Variants in MBTD1 observed in about 807,000 individuals in gnomAD.
MBTD1 encodes the protein mbt domain containing 1, also known as MBT domain-containing protein 1.
A neutral mutation model predicts 87.8 loss-of-function variants in MBTD1; 24 were observed. That is an observed-to-expected ratio of 0.27 (90% CI 0.20 to 0.38). The LOEUF is 0.38. MBTD1 is among the 10% of genes least tolerant of loss of function. The pLI is 1.00. For synonymous variants in MBTD1, 237 were observed against 248.6 expected, an observed-to-expected ratio of 0.95 and a Z score of 0.44; for missense variants, 436 against 760.2, an observed-to-expected ratio of 0.57 and a Z score of 5.02.
At chr17:51,260,825 G>A (rs757773802), upstream of MBTD1, 102 of 1,596,064 alleles carry the variant, frequency 6.4e-5, no homozygotes, top group Non-Finnish European at 8.5e-5. Flanking sequence ...CCTGAGGCTG[G>A]AGGAGGACAA....
chr17:51,183,636 T>C (rs2050413694), intron 16 of MBTD1: 1 of 152,208 alleles, frequency 6.6e-6, no homozygotes, highest in Admixed American at 6.5e-5. Context: ...TGTTCAAAGG[T>C]ACAGCAAACA....
At chr17:51,200,682 G>A (rs2051426430) in intron 12 of MBTD1, among the ~76,000 whole-genome samples, 1 of 151,422 alleles carries the variant, frequency 6.6e-6, no homozygotes, top group Non-Finnish European at 1.5e-5. Flanking sequence ...CAGGCAACAT[G>A]GTGAAATCCC....
intron 2 of MBTD1, among the ~76,000 whole-genome samples, chr17:51,236,826 T>C (rs1398594353): frequency 6.6e-6 from 1 of 152,162 alleles, no homozygotes; most frequent in African/African-American, 2.4e-5. Flanking sequence ...GACATTCATA[T>C]GCCAAAATAC....
chr17:51,203,081 G>A, intron 9 of MBTD1, 59 bp downstream of exon 9: 1 of 1,385,342 alleles, frequency 7.2e-7, no homozygotes, highest in Non-Finnish European at 1.0e-6. Context: ...CCTTAAAAAT[G>A]TTCTCTGTTA....
intron 2 of MBTD1, among the ~76,000 whole-genome samples, chr17:51,241,354 A>G (rs908670682): frequency 1.3e-5 from 2 of 152,074 alleles, no homozygotes; most frequent in African/African-American, 2.4e-5. Flanking sequence ...TAAGCAATCT[A>G]TGGGGAGACA....
At chr17:51,260,444 A>C, upstream of MBTD1, 1 of 885,848 alleles carries the variant, frequency 1.1e-6, no homozygotes, top group Non-Finnish European at 1.7e-6. Flanking sequence ...ACGTAGAGGG[A>C]GGGAGTGCTG....
intron 12 of MBTD1, among the ~76,000 whole-genome samples, chr17:51,199,799 C>A (rs1598313322): frequency 6.6e-6 from 1 of 151,746 alleles, no homozygotes. Flanking sequence ...GACATGGCAG[C>A]CATCATAATT....
intron 6 of MBTD1, among the ~76,000 whole-genome samples, chr17:51,216,548 C>T (rs1315710278): frequency 6.6e-6 from 1 of 152,116 alleles, no homozygotes; most frequent in Admixed American, 6.5e-5. Context: ...TATTTTAGCT[C>T]ACAATACTAT....
chr17:51,238,298 G>T (rs1382406120), intron 2 of MBTD1, among the ~76,000 whole-genome samples: 1 of 152,182 alleles, frequency 6.6e-6, no homozygotes, highest in Non-Finnish European at 1.5e-5. Flanking sequence ...GGTAGAAAAT[G>T]TATTTTCAGA....
intron 6 of MBTD1, among the ~76,000 whole-genome samples, chr17:51,210,664 G>A (rs2052135158): frequency 6.6e-6 from 1 of 151,990 alleles, no homozygotes; most frequent in Non-Finnish European, 1.5e-5. Context: ...GCTGAGGCAG[G>A]AGAATCACTT....
At chr17:51,205,012 T>G (rs1455915101) in intron 7 of MBTD1, among the ~76,000 whole-genome samples, 1 of 152,334 alleles carries the variant, frequency 6.6e-6, no homozygotes, top group East Asian at 1.9e-4. Flanking sequence ...ATAGGAAGGC[T>G]TACTCTTGGA....
chr17:51,239,132 C>T (rs934729891), intron 2 of MBTD1, among the ~76,000 whole-genome samples: 5 of 151,008 alleles, frequency 3.3e-5, no homozygotes, highest in African/African-American at 9.7e-5. Flanking sequence ...ACTGGATAAG[C>T]GTGAAAACAA....
At chr17:51,227,763 C>G (rs1216209993) in intron 2 of MBTD1, among the ~76,000 whole-genome samples, 1 of 151,696 alleles carries the variant, frequency 6.6e-6, no homozygotes, top group African/African-American at 2.4e-5. Context: ...CAGCCTAGTC[C>G]ACGTGGGGAA....
intron 6 of MBTD1, among the ~76,000 whole-genome samples, chr17:51,211,504 T>TAAAAAA (rs35259426): frequency 7.4e-6 from 1 of 135,228 alleles, no homozygotes. Context: ...TGAGACTGTT[T>TAAAAAA]AAAAAAAAAA....
In MBTD1 at chr17:51,178,053, A is replaced by G. The variant is rs762875588; in HGVS notation, c.*2523T>C. ...CCTCATACACGGCAAGGAAAAGGTT[A>G]AAGAGTTTAAACTACCAAAAGTCCC... On this transcript the variant is annotated 3_prime_UTR_variant, in exon 17 of 17. Transcript: ENST00000586178. 6.6e-6 allele frequency: 1 copy of G among 152,222 alleles called. No individual in the cohort carries two copies. The highest frequency in any genetic ancestry group is 2.4e-5 in the African/African-American group (1 of 41,460). 9.4% of individuals were successfully genotyped at this position (152,222 alleles called of 1,614,324 possible).
intron 7 of MBTD1, among the ~76,000 whole-genome samples, chr17:51,204,839 T>G (rs2051721697): frequency 6.6e-6 from 1 of 152,220 alleles, no homozygotes; most frequent in South Asian, 2.1e-4. Context: ...ATCCAGCTGC[T>G]TAGGTGGCCA....
chr17:51,208,379 A>G (rs985153888), intron 6 of MBTD1, among the ~76,000 whole-genome samples: 3 of 152,222 alleles, frequency 2.0e-5, no homozygotes, highest in African/African-American at 7.2e-5. Flanking sequence ...AAAAAATAAT[A>G]TATTCATTGT....
chr17:51,237,667 C>CTACAGTCAGTGTGGCAAATGG, intron 2 of MBTD1, among the ~76,000 whole-genome samples: 1 of 152,258 alleles, frequency 6.6e-6, no homozygotes, highest in East Asian at 1.9e-4. Context: ...TAAAAGTCCT[C>CTACAGTCAGTGTGGCAAATGG]TACAGTCAGT....
At chr17:51,217,724 T>C (rs1353946317) in intron 5 of MBTD1, among the ~76,000 whole-genome samples, 1 of 152,200 alleles carries the variant, frequency 6.6e-6, no homozygotes, top group Non-Finnish European at 1.5e-5. Context: ...TTCTCCTGCC[T>C]CAGCCTCCCG....
Sources: allele counts gnomAD v4.1 joint callset (sites outside exome capture counted in the v4.1 genomes callset), GRCh38; gene constraint gnomAD v4.1.1; transcripts MANE v1.5; gene names NCBI Gene and HGNC (gene_info 2026-07-23, HGNC 2026-07-21).